UST: variants seen among roughly 807,000 people sequenced by gnomAD.
The protein encoded by UST is chondroitin sulfate 2-O-sulfotransferase.
Under a neutral mutation model 45.6 loss-of-function variants are expected in UST, and 21 were observed. That is an observed-to-expected ratio of 0.46 (90% CI 0.33 to 0.66). UST has a LOEUF of 0.66. Among genes scored for constraint, UST ranks in the 30% least tolerant of loss-of-function variants. The pLI is 0.02. For missense variants in UST, 463 were observed against 512.4 expected (o/e 0.90, Z 0.93); for synonymous variants, 215 against 200.6 (o/e 1.07, Z -0.61).
intron 5 of UST, among the ~76,000 whole-genome samples, chr6:148,993,378 G>GGA (rs747546865): frequency 2.0e-5 from 3 of 149,974 alleles, no homozygotes; most frequent in East Asian, 1.9e-4. Flanking sequence ...TACTCTTTTT[G>GGA]AAAAAAAAAA....
chr6:148,920,685 T>C (rs1484758692), intron 2 of UST, among the ~76,000 whole-genome samples: 1 of 152,174 alleles, frequency 6.6e-6, no homozygotes, highest in Admixed American at 6.5e-5. Flanking sequence ...CATGCCACTA[T>C]GCCTGGCTAG....
At chr6:148,924,302 C>T (rs1035238453) in intron 2 of UST, among the ~76,000 whole-genome samples, 1 of 152,182 alleles carries the variant, frequency 6.6e-6, no homozygotes, top group African/African-American at 2.4e-5. Flanking sequence ...CCCTGCTCAC[C>T]CCCACTTCAG....
chr6:148,878,279 C>CGG (rs1396007590), intron 1 of UST, among the ~76,000 whole-genome samples: 1 of 32,196 alleles, frequency 3.1e-5, no homozygotes, highest in Non-Finnish European at 5.4e-5. Flanking sequence ...TGTATGAGTA[C>CGG]GGGGGATCAT....
At chr6:149,058,902 ACGTAGCACATACTTTCAAACAAATTTTAC>A (rs1469374404) in intron 7 of UST, among the ~76,000 whole-genome samples, 7 of 152,314 alleles carry the variant, frequency 4.6e-5, no homozygotes, top group African/African-American at 9.6e-5. Context: ...GAAAACACAC[ACGTAGCACATACTTTCAAACAAATTTTAC>A]CGTAGCACAT....
intron 2 of UST, among the ~76,000 whole-genome samples, chr6:148,920,551 C>T (rs114737588): frequency 0.029 from 4,407 of 152,204 alleles, 225 homozygotes; most frequent in African/African-American, 0.1. Context: ...GTTTTTGAGA[C>T]AAGATCTTGC....
chr6:148,792,322 C>T (rs1177068247), intron 1 of UST, among the ~76,000 whole-genome samples: 6 of 152,144 alleles, frequency 3.9e-5, no homozygotes, highest in South Asian at 2.1e-4. Context: ...CAAGAGGCTG[C>T]GCGTCATTCA....
chr6:148,831,514 A>G (rs941821839), intron 1 of UST, among the ~76,000 whole-genome samples: 11 of 152,210 alleles, frequency 7.2e-5, no homozygotes, highest in Non-Finnish European at 1.2e-4. Flanking sequence ...TTCACTTAGC[A>G]GACATTTATA....
chr6:149,018,009 C>T (rs1160022341), intron 5 of UST, among the ~76,000 whole-genome samples: 3 of 152,088 alleles, frequency 2.0e-5, no homozygotes, highest in Admixed American at 6.5e-5. Context: ...ACTGCACCTC[C>T]GCCTCTCATG....
chr6:148,961,344 C>T (rs1780652944), intron 4 of UST, among the ~76,000 whole-genome samples: 1 of 152,096 alleles, frequency 6.6e-6, no homozygotes. Flanking sequence ...AAAATATGGC[C>T]TGACTCTTCT....
chr6:148,960,466 A>C (rs533179160), intron 4 of UST, among the ~76,000 whole-genome samples: 1 of 152,334 alleles, frequency 6.6e-6, no homozygotes, highest in South Asian at 2.1e-4. Flanking sequence ...CCTTTAATGT[A>C]GATAGTGGCA....
intron 1 of UST, among the ~76,000 whole-genome samples, chr6:148,826,112 C>T (rs73778914): frequency 0.012 from 1,877 of 152,148 alleles, 27 homozygotes; most frequent in African/African-American, 0.044. Context: ...CTAAGAGCAT[C>T]CTGTTTTGTT....
intron 1 of UST, among the ~76,000 whole-genome samples, chr6:148,872,091 T>G (rs1196428041): frequency 6.6e-6 from 1 of 152,228 alleles, no homozygotes; most frequent in Non-Finnish European, 1.5e-5. Context: ...TGAAATGTAC[T>G]GACTCGTAAC....
chr6:149,038,872 A>G (rs945878661), intron 7 of UST, among the ~76,000 whole-genome samples: 1 of 152,232 alleles, frequency 6.6e-6, no homozygotes, highest in African/African-American at 2.4e-5. Flanking sequence ...ACAGTGATGC[A>G]ATGAAATATA....
intron 2 of UST, among the ~76,000 whole-genome samples, chr6:148,892,170 A>G (rs1456526339): frequency 6.6e-6 from 1 of 152,192 alleles, no homozygotes; most frequent in Admixed American, 6.5e-5. Flanking sequence ...TCATCTGAAG[A>G]GTCGTAGTCT....
At chr6:149,035,208 A>G (rs1320185301) in intron 7 of UST, among the ~76,000 whole-genome samples, 1 of 152,034 alleles carries the variant, frequency 6.6e-6, no homozygotes, top group Non-Finnish European at 1.5e-5. Flanking sequence ...ACTCTGTTGA[A>G]TCTTCTCTTT....
chr6:148,903,134 CCTT>C (rs1319043090), intron 2 of UST, among the ~76,000 whole-genome samples: 1 of 151,800 alleles, frequency 6.6e-6, no homozygotes, highest in African/African-American at 2.4e-5. Context: ...TTTTCTTTTT[CCTT>C]TTTTTGATAG....
At chr6:149,036,130 C>T (rs1346032620) in intron 7 of UST, among the ~76,000 whole-genome samples, 5 of 152,196 alleles carry the variant, frequency 3.3e-5, no homozygotes, top group African/African-American at 1.2e-4. Flanking sequence ...CGGTATGGAG[C>T]CTCTGCCCAA....
At chr6:148,993,853 A>G (rs1302228344) in intron 5 of UST, among the ~76,000 whole-genome samples, 1 of 151,918 alleles carries the variant, frequency 6.6e-6, no homozygotes, top group Non-Finnish European at 1.5e-5. Flanking sequence ...CCTCCCTAGA[A>G]GCTGAGCAGA....
At chr6:148,792,144 C>G (rs1776861018) in intron 1 of UST, among the ~76,000 whole-genome samples, 1 of 152,182 alleles carries the variant, frequency 6.6e-6, no homozygotes, top group Admixed American at 6.5e-5. Context: ...TCTTTCCAAT[C>G]TTATGGAATT....
Sources: gnomAD v4.1 joint callset for allele counts (sites outside exome capture counted in the v4.1 genomes callset) on GRCh38, gnomAD v4.1.1 for gene constraint, MANE v1.5 for transcripts, NCBI Gene and HGNC (gene_info 2026-07-23, HGNC 2026-07-21) for gene names.